Variants in RBM26 observed in about 807,000 individuals in gnomAD.
The protein encoded by RBM26 is RNA-binding protein 26.
In RBM26, 30 loss-of-function variants were observed where a neutral mutation model predicts 123.6. The observed-to-expected ratio is 0.24, with a 90% confidence interval of 0.18 to 0.33. The LOEUF is 0.33. Ranked by LOEUF, RBM26 falls within the 10% of genes least tolerant of loss-of-function variation. RBM26 has a pLI of 1.00. For synonymous variants in RBM26, 400 were observed against 404.4 expected, an observed-to-expected ratio of 0.99 and a Z score of 0.13; for missense variants, 947 against 1,203.6, an observed-to-expected ratio of 0.79 and a Z score of 3.15.
intron 1 of RBM26, among the ~76,000 whole-genome samples, chr13:79,398,162 A>G (rs1316675438): frequency 6.6e-6 from 1 of 152,216 alleles, no homozygotes; most frequent in African/African-American, 2.4e-5. Flanking sequence ...CCATTCATTC[A>G]TTTCTCTCAT....
In RBM26 at chr13:79,368,762, G is replaced by C. The variant is rs961823452; in HGVS notation, c.863C>G (p.Pro288Arg). Residue 288 changes from proline to arginine, a missense_variant, in exon 6 of 22, where the codon CCC becomes CGC. Coordinates refer to ENST00000438737, the MANE Select transcript of RBM26 (RefSeq NM_001366735.2). ...QVDHNSYVRP[P>R]MPKKRCRDYD... The stretch of plus-strand genomic sequence containing the variant: ...GTCTCTACACCGTTTCTTTGGCATG[G>C]GTGGTCTTACGTAAGAGTTATGGTC... 1.2e-6 allele frequency: 2 copies of C among 1,613,840 alleles called. No homozygotes were observed. The highest frequency in any genetic ancestry group is 2.2e-5 in the East Asian group (1 of 44,840).
In RBM26 at chr13:79,322,134, T is replaced by A. The variant is rs891094072; in HGVS notation, c.2934+215A>T. Among the ~76,000 whole-genome samples the A allele has an allele frequency of 4.0e-5, 6 of 151,456 alleles. No homozygotes were observed. In the East Asian group the frequency reaches 9.6e-4, roughly 24 times the overall value. The stretch of plus-strand genomic sequence containing the variant: ...AGGGTAAATAAAAATTGAGTATATA[T>A]ATATGATTTTCATATATTCTTTTTG... On this transcript the variant is annotated intron_variant, in intron 21 of 21. Transcript: ENST00000438737.
At chr13:79,326,273 T>C (rs1240276531) in intron 20 of RBM26, among the ~76,000 whole-genome samples, 5 of 152,248 alleles carry the variant, frequency 3.3e-5, no homozygotes, top group African/African-American at 4.8e-5. Flanking sequence ...AAGTATGCTA[T>C]GGCAGTGCTT....
chr13:79,400,949 A>G (rs1350275716), intron 1 of RBM26, among the ~76,000 whole-genome samples: 1 of 152,232 alleles, frequency 6.6e-6, no homozygotes, highest in Non-Finnish European at 1.5e-5. Flanking sequence ...TACCAGCGAC[A>G]GGAACAGAAA....
At chr13:79,397,601 G>A (rs2078688626) in intron 1 of RBM26, among the ~76,000 whole-genome samples, 1 of 139,406 alleles carries the variant, frequency 7.2e-6, no homozygotes, top group Admixed American at 7.7e-5. Flanking sequence ...AGAATCGCGT[G>A]AACCCGGGAG....
At chr13:79,323,388 A>G (rs1458547363) in intron 20 of RBM26, among the ~76,000 whole-genome samples, 1 of 151,628 alleles carries the variant, frequency 6.6e-6, no homozygotes, top group Non-Finnish European at 1.5e-5. Flanking sequence ...ACCTGCACAT[A>G]TAAATTTATG....
At chr13:79,342,855 A>T (rs1226316588) in intron 16 of RBM26, 24 bp from the exon 17 acceptor site, 3 of 1,446,508 alleles carry the variant, frequency 2.1e-6, no homozygotes, top group Non-Finnish European at 2.9e-6. Context: ...AAAAAGAGAA[A>T]AATAAAGCTA....
At chr13:79,363,451 A>G (rs2074932663) in intron 9 of RBM26, among the ~76,000 whole-genome samples, 1 of 152,180 alleles carries the variant, frequency 6.6e-6, no homozygotes, top group African/African-American at 2.4e-5. Context: ...GCAATCCTCA[A>G]TTTGGATGGG....
At chr13:79,366,593 A>G in intron 7 of RBM26, 40 bp downstream of exon 7, 1 of 1,480,890 alleles carries the variant, frequency 6.8e-7, no homozygotes. Context: ...TAGACTAAGA[A>G]TGGCTAGATA....
At chr13:79,365,832 TA>T in intron 8 of RBM26, 114 bp from the exon 9 acceptor site, 2 of 978,446 alleles carry the variant, frequency 2.0e-6, no homozygotes, top group Non-Finnish European at 3.0e-6. Context: ...TAACATGCTC[TA>T]TATGTATCAA....
intron 14 of RBM26, among the ~76,000 whole-genome samples, chr13:79,348,017 T>C (rs2072616701): frequency 6.6e-6 from 1 of 152,116 alleles, no homozygotes; most frequent in African/African-American, 2.4e-5. Flanking sequence ...TCTACTGAGC[T>C]AATCATCTAG....
intron 20 of RBM26, among the ~76,000 whole-genome samples, chr13:79,327,654 C>A (rs1272361865): frequency 6.6e-6 from 1 of 151,990 alleles, no homozygotes; most frequent in Non-Finnish European, 1.5e-5. Context: ...AGTCTTCCTA[C>A]ATATGAAGAA....
Position 79,406,242 on chromosome 13 carries a change from A to C in RBM26, c.-468T>G. The C allele has an allele frequency of 6.5e-6, 1 of 152,758 alleles. No individual in the cohort carries two copies. Among genetic ancestry groups the C allele is most frequent in the Non-Finnish European group, 1.5e-5 (1 of 68,366 alleles). 9.5% of individuals were successfully genotyped at this position (152,758 alleles called of 1,614,324 possible). A position where few individuals can be genotyped will look rare whatever the true frequency, so the allele number is the denominator to read the frequency against. ...CCCCCAAGAAGATGGCTGCCGGTAA[A>C]TCTCGCGAGAATTGATGAAGTCTCG... On this transcript the variant is annotated 5_prime_UTR_variant, in exon 1 of 22. Transcript: ENST00000438737.
At chr13:79,329,818 G>C (rs2069015577) in intron 20 of RBM26, among the ~76,000 whole-genome samples, 1 of 152,112 alleles carries the variant, frequency 6.6e-6, no homozygotes, top group South Asian at 2.1e-4. Context: ...TGATATTTAG[G>C]AATATAATTT....
chr13:79,400,688 A>T (rs1017219299), intron 1 of RBM26, among the ~76,000 whole-genome samples: 1 of 152,210 alleles, frequency 6.6e-6, no homozygotes, highest in African/African-American at 2.4e-5. Context: ...CTGACTTAAG[A>T]AAAGGAACCA....
intron 6 of RBM26, among the ~76,000 whole-genome samples, 177 bp downstream of exon 6, chr13:79,368,553 T>G (rs1393565459): frequency 6.6e-6 from 1 of 152,194 alleles, no homozygotes; most frequent in South Asian, 2.1e-4. Flanking sequence ...AAATTGATAA[T>G]CAAATTAGTG....
chr13:79,340,406 A>G (rs2071175682), intron 18 of RBM26, among the ~76,000 whole-genome samples: 1 of 152,080 alleles, frequency 6.6e-6, no homozygotes, highest in Admixed American at 6.5e-5. Context: ...CAAGTTAAGA[A>G]AAAAGCATTA....
rs549219926 is a variant in RBM26, at chr13:79,320,439, C to T, written c.*182G>A. ...AGCAATTGTTTACTGAAGTAAAATG[C>T]AAACATCAATCTTTCAAAATACAAG... On this transcript the variant is annotated 3_prime_UTR_variant, in exon 22 of 22. Coordinates refer to ENST00000438737, the MANE Select transcript of RBM26 (RefSeq NM_001366735.2). The T allele has an allele frequency of 1.6e-5, 20 of 1,237,598 alleles. No homozygotes were observed. The African/African-American group carries it at 2.3e-4, about 15-fold the overall frequency. The allele number at this position is 1,237,598 out of a possible 1,614,324, so 76.7% of individuals were successfully genotyped here.
chr13:79,360,006 A>G (rs964620931), intron 9 of RBM26, among the ~76,000 whole-genome samples: 1 of 152,038 alleles, frequency 6.6e-6, no homozygotes, highest in African/African-American at 2.4e-5. Flanking sequence ...CTGCTCCAAC[A>G]CTTGATCTCA....
Sources: gnomAD v4.1 joint callset for allele counts (sites outside exome capture counted in the v4.1 genomes callset) on GRCh38, gnomAD v4.1.1 for gene constraint, MANE v1.5 for transcripts, NCBI Gene and HGNC (gene_info 2026-07-23, HGNC 2026-07-21) for gene names.